Variants in OPLAH observed in about 807,000 individuals in gnomAD.
The protein encoded by OPLAH is 5-oxoprolinase, ATP-hydrolysing.
OPLAH carries 103 observed loss-of-function variants against 122.8 expected under a neutral mutation model. The observed-to-expected ratio is 0.84, with a 90% CI of 0.71 to 0.99. OPLAH has a LOEUF of 0.99. Ranked by LOEUF, OPLAH falls within the 50% of genes least tolerant of loss-of-function variation. The probability of loss-of-function intolerance (pLI) is 0.00; values close to 1 mark genes in which losing one functional copy is unlikely to be tolerated. For missense variants in OPLAH, 1,902 were observed against 1,836.5 expected (o/e 1.04, Z -0.65); for synonymous variants, 875 against 796.0 (o/e 1.10, Z -1.67).
intron 14 of OPLAH, 60 bp from the exon 15 acceptor site, chr8:144,056,319 C>T: frequency 1.3e-6 from 2 of 1,595,290 alleles, no homozygotes; most frequent in South Asian, 2.2e-5. Flanking sequence ...ATGCCTCTCA[C>T]AGGGCTTGGT....
Position 144,055,744 on chromosome 8 carries a change from A to G in OPLAH, c.2248+44T>C. 6.9e-7 allele frequency: 1 copy of G among 1,446,392 alleles called. No individual in the cohort carries two copies. The allele number at this position is 1,446,392 out of a possible 1,614,324, so 89.6% of individuals were successfully genotyped here. On this transcript the variant is annotated intron_variant, in intron 16 of 26. Coordinates refer to ENST00000618853, the MANE Select transcript of OPLAH (RefSeq NM_017570.5). This position sits in a 1 kb window ranked among gnomAD's most constrained non-coding sequence, Gnocchi z 6.5. ...AGCCCTGCCAGCTACCCCATGACAC[A>G]GCCGGCGCCTCATCCCACAGGGAGC...
chr8:144,053,586 C>CTG (rs1385859156), intron 19 of OPLAH, among the ~76,000 whole-genome samples, 193 bp from the exon 20 acceptor site: 3 of 152,142 alleles, frequency 2.0e-5, no homozygotes, highest in Non-Finnish European at 4.4e-5. Flanking sequence ...ACAAGGCCCT[C>CTG]TGCAGTGTGC....
intron 19 of OPLAH, 148 bp from the exon 20 acceptor site, chr8:144,053,541 C>T (rs1032212818): frequency 3.5e-5 from 27 of 774,326 alleles, no homozygotes; most frequent in African/African-American, 3.3e-4. Flanking sequence ...AGCCCCTCTC[C>T]TTGAGCCTGG....
rs1554758690 is a variant in OPLAH at position 144,055,161 on chromosome 8, T to C, written c.2277A>G (p.Thr759=). Residue 759 remains threonine, a synonymous_variant, in exon 17 of 27, where the codon ACA becomes ACG. Coordinates refer to ENST00000618853, the MANE Select transcript of OPLAH (RefSeq NM_017570.5). This position sits in a 1 kb window ranked among gnomAD's most constrained non-coding sequence, Gnocchi z 6.5. ...GCTCCTTGATGTTGGTGGAGATGGC[T>C]GTGCGCTGCAGGATGCGGCCCATCT... ...AEQMGRILQR[T]AISTNIKERL... is the part of the protein sequence containing the mutation. 1 of 1,566,510 alleles carries C rather than the reference T, an allele frequency of 6.4e-7. No individual in the cohort carries two copies. Among genetic ancestry groups the C allele is most frequent in the South Asian group, 1.2e-5 (1 of 83,462 alleles).
In OPLAH at chr8:144,056,513, C is replaced by T; in HGVS notation, c.1855G>A (p.Glu619Lys). ...CGCTCAGGTATGACAAAGCCAAACT[C>T]CCTCATGTACCTGCACTCCCCGCGG... ...GAAFVERYMREFGFVIPERPV... is the reference protein window; with the variant it reads ...GAAFVERYMRKFGFVIPERPV... Residue 619 changes from glutamate to lysine, a missense_variant, in exon 14 of 27, where the codon GAG becomes AAG. Around this residue, in one of 3 missense-constraint regions of OPLAH, gnomAD observed 1,726 missense variants for 1,642.1 expected, o/e 1.05. Transcript: ENST00000618853. The T allele has an allele frequency of 6.2e-7, 1 of 1,611,850 alleles. No homozygotes were observed. Among genetic ancestry groups the T allele is most frequent in the Non-Finnish European group, 8.5e-7 (1 of 1,179,356 alleles).
At chr8:144,061,132 G>A (rs1449128154), upstream of OPLAH, among the ~76,000 whole-genome samples, 1 of 152,206 alleles carries the variant, frequency 6.6e-6, no homozygotes, top group Non-Finnish European at 1.5e-5. Flanking sequence ...TCTTCACCGG[G>A]TCTCCCTCAT....
intron 10 of OPLAH, 29 bp from the exon 11 acceptor site, chr8:144,057,349 C>A (rs1476443866): frequency 1.3e-6 from 2 of 1,597,230 alleles, no homozygotes; most frequent in African/African-American, 2.7e-5. Flanking sequence ...TCAGTGGGCT[C>A]TCCTACTCTA....
intron 26 of OPLAH, 119 bp from the exon 27 acceptor site, chr8:144,051,591 G>T: frequency 8.6e-7 from 1 of 1,160,392 alleles, no homozygotes; most frequent in Non-Finnish European, 1.2e-6. Context: ...GGACCACGGA[G>T]GCCCGGTACG....
chr8:144,062,879 T>A (rs1462214242), upstream of OPLAH, among the ~76,000 whole-genome samples: 1 of 151,560 alleles, frequency 6.6e-6, no homozygotes, highest in African/African-American at 2.4e-5. Flanking sequence ...CACCTCCAGG[T>A]GTCCACCTCC....
rs781881928 is a variant in OPLAH at position 144,057,286 on chromosome 8, G to A, written c.1457C>T (p.Ala486Val). 1.3e-5 allele frequency: 21 copies of A among 1,612,326 alleles called. No individual in the cohort carries two copies. The highest frequency in any genetic ancestry group is 1.0e-4 in the Admixed American group (6 of 59,976). Residue 486 changes from alanine to valine, a missense_variant, in exon 11 of 27, where the codon GCC becomes GTC. Transcript: ENST00000618853. ...CTGCCCACCAGCTCCCCCAAAGCAG[G>A]CCAGCACATGGGCTGAGGGGTCATG... ...RGHDPSAHVL[A>V]CFGGAGGQHA...
At chr8:144,052,377 C>T in intron 23 of OPLAH, 51 bp from the exon 24 acceptor site, 2 of 1,512,280 alleles carry the variant, frequency 1.3e-6, no homozygotes, top group South Asian at 1.2e-5. Flanking sequence ...GCGTCCCCAC[C>T]TCGCCCTCCC....
chr8:144,050,916 C>G, downstream of OPLAH: 1 of 1,013,744 alleles, frequency 9.9e-7, no homozygotes, highest in Non-Finnish European at 1.2e-6. Flanking sequence ...GGGGCCCTGG[C>G]CTTGATGACA....
At position 144,058,820 on chromosome 8, in the gene OPLAH, T is replaced by G; in HGVS notation, c.540A>C (p.Leu180=). The G allele has an allele frequency of 6.3e-7, 1 of 1,597,576 alleles. No homozygotes were observed. Among genetic ancestry groups the G allele is most frequent in the Non-Finnish European group, 8.5e-7 (1 of 1,172,854 alleles). The part of the protein sequence containing the change: ...GALRGKLEGL[L]SRGIRSLAVV... Reference sequence around the variant, plus strand: ...CAGCCAGGCTGCGGATGCCTCGAGATAGCAGCCCCTCCAGCTTCCCACGCA... The same window carrying G: ...CAGCCAGGCTGCGGATGCCTCGAGAGAGCAGCCCCTCCAGCTTCCCACGCA... Residue 180 remains leucine, a synonymous_variant, in exon 5 of 27, where the codon CTA becomes CTC. Coordinates refer to ENST00000618853, the MANE Select transcript of OPLAH (RefSeq NM_017570.5).
In OPLAH at chr8:144,052,750, A is replaced by G; in HGVS notation, c.3153+16T>C. The G allele has an allele frequency of 6.4e-7, 1 of 1,562,656 alleles. No homozygotes were observed. Among genetic ancestry groups the G allele is most frequent in the African/African-American group, 1.4e-5 (1 of 73,592 alleles). ...CTCGGGCTGGGGCCCCCCCTCGCGC[A>G]CACACCCCTGCGAACCTGGTTGAGT... On this transcript the variant is annotated intron_variant, in intron 22 of 26. Transcript: ENST00000618853.
At chr8:144,056,308 G>A (rs757900943) in intron 14 of OPLAH, 49 bp from the exon 15 acceptor site, 31 of 1,596,178 alleles carry the variant, frequency 1.9e-5, no homozygotes, top group Non-Finnish European at 2.5e-5. Flanking sequence ...CACCCTCCCC[G>A]ATGCCTCTCA....
rs1554757703 is a variant in OPLAH, at chr8:144,051,738, C to T, written c.3711G>A (p.Val1237=). 6.2e-7 allele frequency: 1 copy of T among 1,603,838 alleles called. No homozygotes were observed. The highest frequency in any genetic ancestry group is 8.5e-7 in the Non-Finnish European group (1 of 1,177,416). The change falls in exon 26 of 27, where the codon GTG becomes GTA. Residue 1237 remains valine, a synonymous_variant. Coordinates refer to ENST00000618853, the MANE Select transcript of OPLAH (RefSeq NM_017570.5). Reference sequence around the variant, plus strand: ...AGGCCGCGGCCCTTACCCCGGGGTACACGGTCACCGACGTCTTGCCGCCCA... The same window carrying T: ...AGGCCGCGGCCCTTACCCCGGGGTATACGGTCACCGACGTCTTGCCGCCCA... ...VNLGGKTSVT[V]YPGDVFCLHT... is the part of the protein sequence containing the mutation.
chr8:144,055,058 C>T lies in OPLAH; in HGVS notation c.2380G>A (p.Gly794Ser). The T allele has an allele frequency of 6.5e-7, 1 of 1,538,020 alleles. No homozygotes were observed. Among genetic ancestry groups the T allele is most frequent in the Non-Finnish European group, 8.8e-7 (1 of 1,140,412 alleles). ...SNAPHIPVHL[G>S]AMQETVQFQI... ...AACTGCACCGTCTCCTGCATGGCAC[C>T]CAGGTGCACAGGGATGTGGGGGGCA... Residue 794 changes from glycine (G) to serine (S), a missense_variant, in exon 17 of 27, where the codon GGT becomes AGT. By Grantham distance (56) the Gly-to-Ser change is moderately conservative (BLOSUM62 0). Around this residue, in one of 3 missense-constraint regions of OPLAH, gnomAD observed 1,726 missense variants for 1,642.1 expected, o/e 1.05. Coordinates refer to ENST00000618853, the MANE Select transcript of OPLAH (RefSeq NM_017570.5). This position sits in a 1 kb window ranked among gnomAD's most constrained non-coding sequence, Gnocchi z 6.5.
rs1554760105 is a variant in OPLAH at position 144,058,669 on chromosome 8, C to G, written c.610G>C (p.Val204Leu). The G allele has an allele frequency of 2.5e-6, 4 of 1,594,434 alleles. No individual in the cohort carries two copies. Among genetic ancestry groups the G allele is most frequent in the South Asian group, 1.1e-5 (1 of 89,762 alleles). Residue 204 changes from valine (V) to leucine (L), a missense_variant, in exon 6 of 27, where the codon GTG becomes CTG. Transcript: ENST00000618853. ...SYTWAQHEQQ[V>L]GVLARELGFT... ...CCCAGCTCCCGGGCCAGCACACCCA[C>G]CTGCTGCTCATGCTGGGCCCACCTA...
chr8:144,061,655 A>G (rs1382226684), upstream of OPLAH, among the ~76,000 whole-genome samples: 1 of 152,228 alleles, frequency 6.6e-6, no homozygotes, highest in African/African-American at 2.4e-5. Flanking sequence ...GCACGAAGTT[A>G]CCCTATATGG....
Sources: allele counts gnomAD v4.1 joint callset (sites outside exome capture counted in the v4.1 genomes callset), GRCh38; gene constraint gnomAD v4.1.1; regional missense constraint gnomAD v4.1.1; non-coding constraint Gnocchi (gnomAD v3.1); transcripts MANE v1.5; gene names NCBI Gene and HGNC (gene_info 2026-07-23, HGNC 2026-07-21).